The following TARBP1 variants were observed in gnomAD, a reference collection of about 807,000 sequenced individuals.
The protein encoded by TARBP1 is tRNA guanosine 2 -O-methyltransferase TARBP1.
In TARBP1, 144 loss-of-function variants were observed where a neutral mutation model predicts 178.6. That is an observed-to-expected ratio of 0.81 (90% CI 0.70 to 0.93). TARBP1 has a LOEUF of 0.93. Ranked by LOEUF, TARBP1 falls within the 40% of genes least tolerant of loss-of-function variation. The pLI is 0.00. For missense variants in TARBP1, 2,067 were observed against 2,011.7 expected (o/e 1.03, Z -0.53); for synonymous variants, 787 against 781.0 (o/e 1.01, Z -0.13).
At chr1:234,423,931 T>A (rs1202215136) in intron 20 of TARBP1, among the ~76,000 whole-genome samples, 1 of 152,072 alleles carries the variant, frequency 6.6e-6, no homozygotes, top group Non-Finnish European at 1.5e-5. Context: ...TTATAACATG[T>A]ATTTTTGTTC....
In TARBP1 at chr1:234,472,701, G is replaced by C. The variant is rs1349937516; in HGVS notation, c.1029+13C>G. The C allele has an allele frequency of 6.5e-7, 1 of 1,547,096 alleles. No individual in the cohort carries two copies. The highest frequency in any genetic ancestry group is 8.7e-7 in the Non-Finnish European group (1 of 1,144,870). ...ATCTACTGTAGGATTTGCTAAAATA[G>C]AAAAACACTTACCTGATTTCCTTCT... On this transcript the variant is annotated intron_variant, in intron 2 of 29. Coordinates refer to ENST00000040877, the MANE Select transcript of TARBP1 (RefSeq NM_005646.4).
In TARBP1 at chr1:234,405,962, A is replaced by C. The variant is rs751626460; in HGVS notation, c.3930T>G (p.Asp1310Glu). Residue 1310 changes from aspartate to glutamate, a missense_variant, in exon 24 of 30, where the codon GAT (aspartate) becomes GAG (glutamate). Transcript: ENST00000040877. ...TGGATTCAATCACAGGAGTCAGGGC[A>C]TCAAATTCTTCAACACTTAACACTT... ...VCKVLSVEEFDALTPVIESSL... is the reference protein window; with the variant it reads ...VCKVLSVEEFEALTPVIESSL... 28 of 1,614,090 alleles carry C rather than the reference A, an allele frequency of 1.7e-5. No homozygotes were observed. The highest frequency in any genetic ancestry group is 1.6e-4 in the Middle Eastern group (1 of 6,084).
At chr1:234,418,407 T>C (rs1236212063) in intron 21 of TARBP1, among the ~76,000 whole-genome samples, 174 bp from the exon 22 acceptor site, 1 of 152,214 alleles carries the variant, frequency 6.6e-6, no homozygotes, top group East Asian at 1.9e-4. Context: ...TGAAGTACCT[T>C]CATTCAGTAC....
At chr1:234,437,866 G>A (rs1665188812) in intron 12 of TARBP1, among the ~76,000 whole-genome samples, 1 of 152,236 alleles carries the variant, frequency 6.6e-6, no homozygotes, top group African/African-American at 2.4e-5. Flanking sequence ...CTGGATTGCA[G>A]ACAGGGAGGG....
chr1:234,461,504 G>C (rs1430785057), intron 6 of TARBP1, among the ~76,000 whole-genome samples: 1 of 151,818 alleles, frequency 6.6e-6, no homozygotes, highest in Non-Finnish European at 1.5e-5. Context: ...GACGGGGTTT[G>C]GCCATGTTGG....
Position 234,478,521 on chromosome 1 carries a change from G to C in TARBP1, c.583C>G (p.Leu195Val). ...CCACATTGGACCAGCACTGGCAGCA[G>C]TCGCCCGGCCACCAGCGCCGCCGCG... is the stretch of plus-strand genomic sequence containing the variant. ...EDAAALVAGR[L>V]LPVLVQCGGA... Residue 195 changes from leucine to valine, a missense_variant, in exon 1 of 30, where the codon CTG becomes GTG. Coordinates refer to ENST00000040877, the MANE Select transcript of TARBP1 (RefSeq NM_005646.4). The C allele has an allele frequency of 3.6e-6, 5 of 1,378,720 alleles. No individual in the cohort carries two copies. The highest frequency in any genetic ancestry group is 4.7e-6 in the Non-Finnish European group (5 of 1,062,916). The allele number at this position is 1,378,720 out of a possible 1,614,324, so 85.4% of individuals were successfully genotyped here. A position where few individuals can be genotyped will look rare whatever the true frequency, so the allele number is the denominator to read the frequency against.
intron 4 of TARBP1, 48 bp downstream of exon 4, chr1:234,467,453 CT>C: frequency 1.4e-6 from 2 of 1,458,384 alleles, no homozygotes; most frequent in South Asian, 3.0e-5. Flanking sequence ...GTATTTTTAC[CT>C]CTCGCCTTTC....
At chr1:234,393,507 C>A in intron 27 of TARBP1, 21 bp from the exon 28 acceptor site, 2 of 1,573,526 alleles carry the variant, frequency 1.3e-6, no homozygotes, top group South Asian at 1.2e-5. Context: ...CACCTGGGAT[C>A]ATTAAGATTG....
chr1:234,401,836 C>T (rs975792341), intron 24 of TARBP1, among the ~76,000 whole-genome samples: 1 of 152,142 alleles, frequency 6.6e-6, no homozygotes, highest in African/African-American at 2.4e-5. Context: ...CTCCCCAACC[C>T]TCTCACTATC....
chr1:234,458,298 C>G (rs977177408), intron 8 of TARBP1, among the ~76,000 whole-genome samples: 1 of 151,964 alleles, frequency 6.6e-6, no homozygotes. Flanking sequence ...GAGCCAAGAT[C>G]GTGCCATTGC....
chr1:234,463,590 G>A (rs1326475897), intron 6 of TARBP1, among the ~76,000 whole-genome samples: 1 of 152,106 alleles, frequency 6.6e-6, no homozygotes, highest in South Asian at 2.1e-4. Context: ...TGGCTAAACT[G>A]CAGCACACCT....
rs270502 is a variant in TARBP1, at chr1:234,467,640, G to T, written c.1110C>A (p.Leu370=). The stretch of plus-strand genomic sequence containing the variant: ...TACACATATGCCAGGATGGGTGAAA[G>T]AGCCAACATCCTGTGGAAACAAACA... The part of the protein sequence containing the change: ...YAVSEENGCW[L]FHPSWHMCIY... Residue 370 remains leucine, a synonymous_variant, in exon 4 of 30, where the codon CTC becomes CTA. Coordinates refer to ENST00000040877, the MANE Select transcript of TARBP1 (RefSeq NM_005646.4). 0.28 allele frequency: 440,003 copies of T among 1,580,992 alleles called. 66,385 individuals carry two copies. The highest frequency in any genetic ancestry group is 0.31 in the Non-Finnish European group (367,873 of 1,168,086).
At chr1:234,407,341 C>CTTTTTTTTTTTTTT (rs543930869) in intron 23 of TARBP1, 21 of 137,048 alleles carry the variant, frequency 1.5e-4, no homozygotes, top group African/African-American at 4.4e-4. Flanking sequence ...CTTGTCCATC[C>CTTTTTTTTTTTTTT]TTTTTTTTTT....
intron 9 of TARBP1, among the ~76,000 whole-genome samples, chr1:234,454,854 GA>G (rs1667126026): frequency 6.6e-6 from 1 of 152,202 alleles, no homozygotes; most frequent in Admixed American, 6.5e-5. Flanking sequence ...GAGCTTTGCA[GA>G]TTTAAGTATT....
chr1:234,407,825 ACT>A (rs1661418431), intron 23 of TARBP1: 1 of 151,874 alleles, frequency 6.6e-6, no homozygotes, highest in Admixed American at 6.6e-5. Context: ...TTGCTCTCTG[ACT>A]CTACAAGATG....
chr1:234,400,796 A>G (rs557236155), intron 25 of TARBP1: 3 of 156,646 alleles, frequency 1.9e-5, no homozygotes, highest in African/African-American at 7.2e-5. Flanking sequence ...CATTAACAAA[A>G]AAGTATATCT....
intron 13 of TARBP1, among the ~76,000 whole-genome samples, chr1:234,434,517 T>C (rs1350579677): frequency 6.6e-6 from 1 of 152,166 alleles, no homozygotes; most frequent in African/African-American, 2.4e-5. Context: ...AGTTTTTGGC[T>C]TAAGAAACTG....
intron 6 of TARBP1, among the ~76,000 whole-genome samples, chr1:234,461,813 T>G (rs1239325385): frequency 6.6e-6 from 1 of 152,236 alleles, no homozygotes; most frequent in Non-Finnish European, 1.5e-5. Context: ...TGCTTCATTC[T>G]GTCCTCTCTG....
chr1:234,392,790 A>C (rs1044534051), intron 28 of TARBP1: 3 of 240,570 alleles, frequency 1.2e-5, no homozygotes, highest in Middle Eastern at 1.5e-3. Context: ...GGCTCACTGC[A>C]AGCTCCGCCT....
Sources: gnomAD v4.1 joint callset for allele counts (sites outside exome capture counted in the v4.1 genomes callset) on GRCh38, gnomAD v4.1.1 for gene constraint, MANE v1.5 for transcripts, NCBI Gene and HGNC (gene_info 2026-07-23, HGNC 2026-07-21) for gene names.